Variants in OPCML observed in about 807,000 individuals in gnomAD.
OPCML encodes the protein opioid binding protein/cell adhesion molecule like.
OPCML carries 13 observed loss-of-function variants against 37.8 expected under a neutral mutation model. The ratio of observed to expected loss-of-function variants is 0.34; its 90% CI spans 0.22 to 0.55. OPCML has a LOEUF of 0.55. Among genes scored for constraint, OPCML ranks in the 20% least tolerant of loss-of-function variants. The probability of loss-of-function intolerance (pLI) is 0.91; values close to 1 mark genes in which losing one functional copy is unlikely to be tolerated. For missense variants in OPCML, 341 were observed against 435.6 expected (o/e 0.78, Z 1.93); for synonymous variants, 176 against 168.8 (o/e 1.04, Z -0.33).
At position 133,208,258 on chromosome 11, in the gene OPCML, A is replaced by G. The variant is rs976396896; in HGVS notation, c.62-265248T>C. Among the ~76,000 whole-genome samples, 1 of 152,172 alleles carries G rather than the reference A, an allele frequency of 6.6e-6. No homozygotes were observed. Among genetic ancestry groups the G allele is most frequent in the Non-Finnish European group, 1.5e-5 (1 of 68,030 alleles). On this transcript the variant is annotated intron_variant, in intron 1 of 7. Transcript: ENST00000524381. This position sits in a 1 kb window ranked among gnomAD's most constrained non-coding sequence, Gnocchi z 8.9. ...ATTGTATTACATTGCATTGCACTGTATTGTTGTATTACCACGTATAAATAC... is the reference window on the plus strand; with the variant it reads ...ATTGTATTACATTGCATTGCACTGTGTTGTTGTATTACCACGTATAAATAC...
intron 1 of OPCML, among the ~76,000 whole-genome samples, chr11:133,020,773 A>G (rs962164657): frequency 1.3e-5 from 2 of 152,210 alleles, no homozygotes; most frequent in African/African-American, 4.8e-5. Flanking sequence ...AAATGACTTA[A>G]TGGTGTAGAA....
intron 4 of OPCML, among the ~76,000 whole-genome samples, chr11:132,488,719 C>T (rs1287219449): frequency 6.6e-6 from 1 of 152,046 alleles, no homozygotes; most frequent in African/African-American, 2.4e-5. Flanking sequence ...TTTACTTTAC[C>T]AACATAATTT....
intron 1 of OPCML, among the ~76,000 whole-genome samples, chr11:132,989,581 G>A (rs190239247): frequency 6.6e-6 from 1 of 150,942 alleles, no homozygotes; most frequent in East Asian, 2.0e-4. Flanking sequence ...GGAGATGCAG[G>A]TTGATGCCAA....
rs1354040594 is a variant in OPCML, at chr11:133,289,584, G to A, written c.61+242680C>T. 1.6e-4 allele frequency among the ~76,000 whole-genome samples: 18 copies of A among 114,764 alleles called. No individual in the cohort carries two copies. In the Admixed American group the frequency reaches 1.7e-3, roughly 11 times the overall value. 75.3% of individuals were successfully genotyped at this position (114,764 alleles called of 152,430 possible). A position where few individuals can be genotyped will look rare whatever the true frequency, so the allele number is the denominator to read the frequency against. On this transcript the variant is annotated intron_variant, in intron 1 of 7. Coordinates refer to ENST00000524381, the MANE Select transcript of OPCML (RefSeq NM_001012393.5). The stretch of plus-strand genomic sequence containing the variant: ...CACTCCAGCCTGGGCGACAGAGCGA[G>A]ACTCCATCTCAAAAAAAAAAAAAAA...
intron 3 of OPCML, among the ~76,000 whole-genome samples, chr11:132,583,865 C>T (rs2096467036): frequency 1.3e-5 from 2 of 151,768 alleles, no homozygotes; most frequent in East Asian, 1.9e-4. Context: ...CCGCTCACCT[C>T]GGCCTCCCAA....
At chr11:133,417,064 G>A (rs1245035004) in intron 1 of OPCML, among the ~76,000 whole-genome samples, 1 of 152,194 alleles carries the variant, frequency 6.6e-6, no homozygotes, top group Non-Finnish European at 1.5e-5. Flanking sequence ...AGAGAGCAGG[G>A]AGGCTGTGTA....
chr11:133,360,058 GA>G (rs1944379321), intron 1 of OPCML: 1 of 152,162 alleles, frequency 6.6e-6, no homozygotes. Context: ...ACAGAGAAAT[GA>G]GAACTAAAGT....
At chr11:133,318,816 T>C (rs185812696) in intron 1 of OPCML, among the ~76,000 whole-genome samples, 2 of 152,170 alleles carry the variant, frequency 1.3e-5, no homozygotes, top group Admixed American at 6.5e-5. Context: ...GTGGGCAGAT[T>C]ACTTGAGGTC....
Position 132,752,058 on chromosome 11 carries a change from A to T in OPCML, c.147-94739T>A, listed in dbSNP as rs190412263. Among the ~76,000 whole-genome samples the T allele has an allele frequency of 2.5e-3, 379 of 152,284 alleles. 2 individuals are homozygous for T. Among genetic ancestry groups the T allele is most frequent in the Admixed American group, 5.8e-3 (89 of 15,300 alleles). Reference sequence around the variant, plus strand: ...ACTACAGAACAATGCTTCTCTAGAGACAGGATGTTGGCAACAAACAAGATG... The same window carrying T: ...ACTACAGAACAATGCTTCTCTAGAGTCAGGATGTTGGCAACAAACAAGATG... On this transcript the variant is annotated intron_variant, in intron 2 of 7. Transcript: ENST00000524381.
intron 2 of OPCML, among the ~76,000 whole-genome samples, chr11:132,907,398 C>T (rs763519089): frequency 1.3e-5 from 2 of 152,112 alleles, no homozygotes; most frequent in Non-Finnish European, 2.9e-5. Context: ...TTTGGGAGGC[C>T]GAAGCTGGTG....
intron 1 of OPCML, chr11:133,009,195 A>C: frequency 2.1e-5 from 21 of 985,378 alleles, no homozygotes; most frequent in Non-Finnish European, 2.5e-5. Context: ...TGTCTCTAAC[A>C]TATGTAGATA....
chr11:133,154,232 A>G (rs1950025901), intron 1 of OPCML, among the ~76,000 whole-genome samples: 1 of 152,064 alleles, frequency 6.6e-6, no homozygotes, highest in Admixed American at 6.6e-5. Flanking sequence ...AAAAAAAAAA[A>G]AAATTGAGGA....
At chr11:132,661,061 GA>G (rs1251800992) in intron 2 of OPCML, among the ~76,000 whole-genome samples, 1 of 152,018 alleles carries the variant, frequency 6.6e-6, no homozygotes, top group Non-Finnish European at 1.5e-5. Flanking sequence ...GGTGGACTTT[GA>G]AAAAGGGCAA....
intron 1 of OPCML, among the ~76,000 whole-genome samples, chr11:133,104,119 G>A (rs1294649034): frequency 6.6e-6 from 1 of 152,232 alleles, no homozygotes; most frequent in East Asian, 1.9e-4. Context: ...GAGCCCATTA[G>A]ACAGCTCCAC....
intron 3 of OPCML, among the ~76,000 whole-genome samples, chr11:132,614,355 T>C (rs1938854465): frequency 6.6e-6 from 1 of 152,158 alleles, no homozygotes; most frequent in Non-Finnish European, 1.5e-5. Flanking sequence ...ATTCAAAGAA[T>C]TCTGAGTGAC....
chr11:133,152,577 C>CA (rs546627664), intron 1 of OPCML, among the ~76,000 whole-genome samples: 2 of 151,910 alleles, frequency 1.3e-5, no homozygotes, highest in African/African-American at 2.4e-5. Context: ...TGATCCCCCC[C>CA]CAACCTCCAC....
intron 2 of OPCML, among the ~76,000 whole-genome samples, chr11:132,714,371 T>A (rs546968982): frequency 1.3e-5 from 2 of 151,914 alleles, no homozygotes; most frequent in African/African-American, 2.4e-5. Flanking sequence ...CCTGTAAATA[T>A]GTGTTTTCAA....
intron 5 of OPCML, 120 bp downstream of exon 5, chr11:132,437,102 A>G: frequency 6.8e-7 from 1 of 1,459,906 alleles, no homozygotes; most frequent in Non-Finnish European, 9.2e-7. Flanking sequence ...CATCTGATGA[A>G]GTATTTTCCT....
At chr11:132,463,565 C>T (rs1166882279) in intron 4 of OPCML, among the ~76,000 whole-genome samples, 2 of 152,180 alleles carry the variant, frequency 1.3e-5, no homozygotes, top group Non-Finnish European at 2.9e-5. Context: ...CCTGCTGTAC[C>T]ACACTGCAAG....
Sources: allele counts gnomAD v4.1 joint callset (sites outside exome capture counted in the v4.1 genomes callset), GRCh38; gene constraint gnomAD v4.1.1; non-coding constraint Gnocchi (gnomAD v3.1); transcripts MANE v1.5; gene names NCBI Gene and HGNC (gene_info 2026-07-23, HGNC 2026-07-21).